The following DIP2C variants were observed in gnomAD, a reference collection of about 807,000 sequenced individuals.
DIP2C encodes the protein DIP2 acetate--CoA ligase C (putative).
DIP2C carries 33 observed loss-of-function variants against 192.4 expected under a neutral mutation model. That is an observed-to-expected ratio of 0.17 (90% CI 0.13 to 0.23). The LOEUF (loss-of-function observed/expected upper bound fraction) is 0.23, where lower values mean the gene tolerates loss of function less well. Among genes scored for constraint, DIP2C ranks in the 10% least tolerant of loss-of-function variants. DIP2C has a pLI of 1.00. For synonymous variants in DIP2C, 979 were observed against 864.1 expected (o/e 1.13, Z -2.33); for missense variants, 1,537 against 2,110.1 (o/e 0.73, Z 5.32).
At chr10:327,648 T>C (rs763841696) in intron 30 of DIP2C, among the ~76,000 whole-genome samples, 6 of 152,142 alleles carry the variant, frequency 3.9e-5, no homozygotes, top group Non-Finnish European at 5.9e-5. Context: ...CCTCCCACCT[T>C]GTGGTCTCCC....
At chr10:495,732 A>G (rs1844781446) in intron 1 of DIP2C, among the ~76,000 whole-genome samples, 1 of 146,056 alleles carries the variant, frequency 6.8e-6, no homozygotes, top group African/African-American at 2.5e-5. Context: ...GTACTTAAAA[A>G]TCTCTCTTAC....
intron 31 of DIP2C, among the ~76,000 whole-genome samples, chr10:312,648 TTCTC>T (rs1035262137): frequency 6.6e-6 from 1 of 152,232 alleles, no homozygotes; most frequent in African/African-American, 2.4e-5. Flanking sequence ...GATTCCACTC[TTCTC>T]TGTTACTTCT....
At chr10:614,497 TC>T (rs538000571) in intron 1 of DIP2C, among the ~76,000 whole-genome samples, 2 of 151,804 alleles carry the variant, frequency 1.3e-5, no homozygotes, top group Non-Finnish European at 1.5e-5. Context: ...GCCTAAGGGA[TC>T]CCCCCACGAG....
chr10:555,421 T>C (rs1848799356), intron 1 of DIP2C, among the ~76,000 whole-genome samples: 1 of 152,192 alleles, frequency 6.6e-6, no homozygotes, highest in East Asian at 1.9e-4. Context: ...ACACGCTGGC[T>C]ACTATGACAG....
At chr10:305,816 T>TA (rs1482682913) in intron 32 of DIP2C, among the ~76,000 whole-genome samples, 1 of 151,954 alleles carries the variant, frequency 6.6e-6, no homozygotes, top group Non-Finnish European at 1.5e-5. Flanking sequence ...AGTTCATTTT[T>TA]AAAAAATGTT....
chr10:314,744 G>A lies in DIP2C; in HGVS notation c.3925-4652C>T, dbSNP rs796479451. 3.0e-4 allele frequency among the ~76,000 whole-genome samples: 46 copies of A among 152,314 alleles called. 1 individual carries two copies. Among genetic ancestry groups the A allele is most frequent in the African/African-American group, 9.1e-4 (38 of 41,566 alleles). On this transcript the variant is annotated intron_variant, in intron 31 of 36. Transcript: ENST00000280886. ...TAGCAAGTCCCAGATTGAGGCACCT[G>A]CAGAGTGGATGAACATGTTCCTTTA...
At chr10:525,514 AGT>A (rs1846997908) in intron 1 of DIP2C, among the ~76,000 whole-genome samples, 1 of 152,200 alleles carries the variant, frequency 6.6e-6, no homozygotes, top group East Asian at 1.9e-4. Context: ...TTTGAGGAAA[AGT>A]CTTTCTAACT....
At chr10:297,725 A>C (rs1445078188) in intron 32 of DIP2C, among the ~76,000 whole-genome samples, 1 of 152,190 alleles carries the variant, frequency 6.6e-6, no homozygotes, top group Non-Finnish European at 1.5e-5. Context: ...GCTGGCTGGG[A>C]AGAATACGTT....
intron 1 of DIP2C, among the ~76,000 whole-genome samples, chr10:490,230 T>C (rs971253652): frequency 3.9e-5 from 6 of 152,198 alleles, no homozygotes; most frequent in East Asian, 1.9e-4. Flanking sequence ...CCATTTCACA[T>C]TGGTTCAGGC....
chr10:486,618 A>T, intron 1 of DIP2C, 88 bp from the exon 2 acceptor site: 1 of 1,116,282 alleles, frequency 9.0e-7, no homozygotes, highest in Non-Finnish European at 1.3e-6. Context: ...CAGTTATCAC[A>T]GTATCTTCTG....
At chr10:412,425 C>A (rs956537511) in intron 8 of DIP2C, among the ~76,000 whole-genome samples, 2 of 152,160 alleles carry the variant, frequency 1.3e-5, no homozygotes, top group Non-Finnish European at 2.9e-5. Flanking sequence ...TGAATTTGGC[C>A]GGAGATGAGG....
At chr10:551,543 C>T (rs1848588321) in intron 1 of DIP2C, among the ~76,000 whole-genome samples, 1 of 152,250 alleles carries the variant, frequency 6.6e-6, no homozygotes, top group Admixed American at 6.5e-5. Context: ...GGTGCACAAA[C>T]CCACAAGTGC....
At chr10:474,268 TCAA>T (rs1431178391) in intron 2 of DIP2C, among the ~76,000 whole-genome samples, 1 of 152,210 alleles carries the variant, frequency 6.6e-6, no homozygotes, top group Non-Finnish European at 1.5e-5. Context: ...ACTGTGGTCA[TCAA>T]CATCAGCGTC....
intron 10 of DIP2C, among the ~76,000 whole-genome samples, chr10:396,082 T>TC (rs1364139072): frequency 6.6e-6 from 1 of 152,208 alleles, no homozygotes; most frequent in Non-Finnish European, 1.5e-5. Flanking sequence ...AAAACTGTCC[T>TC]CTTCCTCCAT....
chr10:278,989 G>A (rs561326344), intron 36 of DIP2C, among the ~76,000 whole-genome samples: 1 of 152,252 alleles, frequency 6.6e-6, no homozygotes, highest in Admixed American at 6.5e-5. Context: ...AGATATTTTA[G>A]GAAACTCACT....
chr10:287,978 T>C (rs1054970712), intron 33 of DIP2C, among the ~76,000 whole-genome samples: 1 of 152,208 alleles, frequency 6.6e-6, no homozygotes, highest in African/African-American at 2.4e-5. Flanking sequence ...ACCTTCTCTA[T>C]GGTCTGCATG....
At chr10:425,774 A>T (rs1966556964) in intron 4 of DIP2C, among the ~76,000 whole-genome samples, 1 of 152,244 alleles carries the variant, frequency 6.6e-6, no homozygotes, top group Non-Finnish European at 1.5e-5. Context: ...GAATTATGGG[A>T]GTAGAACCGC....
At chr10:540,158 G>A (rs867093402) in intron 1 of DIP2C, among the ~76,000 whole-genome samples, 1 of 152,252 alleles carries the variant, frequency 6.6e-6, no homozygotes, top group Non-Finnish European at 1.5e-5. Flanking sequence ...AACAGGTAGA[G>A]TGTTATAAAA....
At chr10:640,414 C>T (rs1855105353) in intron 1 of DIP2C, among the ~76,000 whole-genome samples, 1 of 152,206 alleles carries the variant, frequency 6.6e-6, no homozygotes, top group Non-Finnish European at 1.5e-5. Context: ...AAGGGTGGGT[C>T]GCCAGAGCTG....
Sources: allele counts gnomAD v4.1 joint callset (sites outside exome capture counted in the v4.1 genomes callset), GRCh38; gene constraint gnomAD v4.1.1; transcripts MANE v1.5; gene names NCBI Gene and HGNC (gene_info 2026-07-23, HGNC 2026-07-21).